The following DLG2 variants were observed in gnomAD, a reference collection of about 807,000 sequenced individuals.
The protein encoded by DLG2 is discs large MAGUK scaffold protein 2.
Under a neutral mutation model 132.5 loss-of-function variants are expected in DLG2, and 45 were observed. That is an observed-to-expected ratio of 0.34 (90% CI 0.27 to 0.44). The LOEUF (loss-of-function observed/expected upper bound fraction) is 0.44, where lower values mean the gene tolerates loss of function less well. Ranked by LOEUF, DLG2 falls within the 20% of genes least tolerant of loss-of-function variation. The pLI, the probability that DLG2 is intolerant of heterozygous loss-of-function variation, is 1.00. For synonymous variants in DLG2, 424 were observed against 419.6 expected (o/e 1.01, Z -0.13); for missense variants, 1,045 against 1,196.9 (o/e 0.87, Z 1.87).
intron 8 of DLG2, among the ~76,000 whole-genome samples, chr11:84,224,304 A>G (rs927253745): frequency 1.3e-5 from 2 of 152,202 alleles, no homozygotes; most frequent in Admixed American, 1.3e-4. Context: ...AGTCCAGTCA[A>G]TCCTAGGCTG....
intron 21 of DLG2, among the ~76,000 whole-genome samples, chr11:83,510,147 C>A (rs1214733129): frequency 6.6e-6 from 1 of 152,114 alleles, no homozygotes; most frequent in Non-Finnish European, 1.5e-5. Flanking sequence ...TGAGATGACC[C>A]TGATGGTTCT....
At chr11:85,540,689 G>A (rs1197172130) in intron 3 of DLG2, among the ~76,000 whole-genome samples, 22 of 152,214 alleles carry the variant, frequency 1.4e-4, no homozygotes, top group Admixed American at 1.4e-3. Context: ...CCTACAGACA[G>A]CAAAACAGCA....
intron 22 of DLG2, among the ~76,000 whole-genome samples, chr11:83,476,926 T>C (rs557707340): frequency 3.2e-4 from 48 of 152,234 alleles, no homozygotes; most frequent in Non-Finnish European, 6.0e-4. Context: ...TAAAGACATC[T>C]AAGGGCAATA....
At chr11:84,213,270 A>G (rs1195252247) in intron 8 of DLG2, among the ~76,000 whole-genome samples, 1 of 151,840 alleles carries the variant, frequency 6.6e-6, no homozygotes, top group Non-Finnish European at 1.5e-5. Context: ...CACTTTTCTC[A>G]TTTTCATTAG....
intron 7 of DLG2, among the ~76,000 whole-genome samples, chr11:84,488,536 A>G (rs1425464351): frequency 6.6e-6 from 1 of 152,080 alleles, no homozygotes; most frequent in Non-Finnish European, 1.5e-5. Context: ...TGAGATTTGT[A>G]TGTATTCCTA....
intron 2 of DLG2, among the ~76,000 whole-genome samples, chr11:85,625,979 A>G (rs564219327): frequency 2.6e-5 from 4 of 152,330 alleles, no homozygotes; most frequent in African/African-American, 7.2e-5. Context: ...AGGAGGGAGG[A>G]AAAAAACAGG....
chr11:84,986,695 T>C (rs1009881349), intron 6 of DLG2, among the ~76,000 whole-genome samples: 20 of 152,138 alleles, frequency 1.3e-4, no homozygotes, highest in Non-Finnish European at 2.6e-4. Context: ...GAAAAAGCAT[T>C]TGACAAAATT....
intron 9 of DLG2, among the ~76,000 whole-genome samples, chr11:84,149,617 A>T (rs1596167447): frequency 6.6e-6 from 1 of 152,132 alleles, no homozygotes; most frequent in Non-Finnish European, 1.5e-5. Flanking sequence ...TGGTTTCTGT[A>T]GCCTTGTAAT....
chr11:85,497,502 C>A (rs1363719227), intron 3 of DLG2, among the ~76,000 whole-genome samples: 1 of 152,178 alleles, frequency 6.6e-6, no homozygotes, highest in African/African-American at 2.4e-5. Context: ...AGAAAACACT[C>A]TTCAGGATAT....
chr11:85,245,424 T>C (rs1055946042), intron 4 of DLG2, among the ~76,000 whole-genome samples: 6 of 151,966 alleles, frequency 3.9e-5, no homozygotes, highest in Non-Finnish European at 7.4e-5. Flanking sequence ...TTACATGCCA[T>C]AGCCAAGGTA....
chr11:84,329,804 A>G (rs971466103), intron 7 of DLG2, among the ~76,000 whole-genome samples: 19 of 152,162 alleles, frequency 1.2e-4, no homozygotes, highest in African/African-American at 4.3e-4. Flanking sequence ...CTTCTGAAAC[A>G]CTGTTTTCTA....
intron 7 of DLG2, among the ~76,000 whole-genome samples, chr11:84,378,585 T>C (rs2098738132): frequency 6.6e-6 from 1 of 151,988 alleles, no homozygotes; most frequent in Admixed American, 6.6e-5. Context: ...AACTTGGCCC[T>C]TTTTTAAGAT....
At chr11:85,484,552 G>C (rs1029836790) in intron 3 of DLG2, among the ~76,000 whole-genome samples, 2 of 151,668 alleles carry the variant, frequency 1.3e-5, no homozygotes, top group Non-Finnish European at 2.9e-5. Flanking sequence ...GACATCAACA[G>C]ACACTTCTCA....
intron 6 of DLG2, among the ~76,000 whole-genome samples, chr11:84,578,901 G>A (rs760542734): frequency 8.5e-5 from 13 of 152,144 alleles, no homozygotes; most frequent in Non-Finnish European, 1.9e-4. Context: ...GAGGCACCCA[G>A]GGGGAGGTAA....
At chr11:83,921,079 A>G (rs2077793705) in intron 15 of DLG2, among the ~76,000 whole-genome samples, 2 of 152,162 alleles carry the variant, frequency 1.3e-5, no homozygotes, top group South Asian at 4.1e-4. Context: ...TACCTTAGAA[A>G]GGTTAGCTAA....
intron 3 of DLG2, among the ~76,000 whole-genome samples, chr11:85,331,122 T>G (rs72950197): frequency 0.11 from 17,077 of 152,266 alleles, 1,141 homozygotes; most frequent in African/African-American, 0.18. Context: ...ACTTTATTTT[T>G]TCCAAGAATA....
chr11:84,097,124 G>A (rs1295484518), intron 10 of DLG2, among the ~76,000 whole-genome samples: 2 of 152,142 alleles, frequency 1.3e-5, no homozygotes, highest in Non-Finnish European at 2.9e-5. Context: ...CTCCATGCAC[G>A]CTAAAGTCAT....
At chr11:83,810,445 T>A (rs112473769) in intron 17 of DLG2, among the ~76,000 whole-genome samples, 1 of 152,132 alleles carries the variant, frequency 6.6e-6, no homozygotes, top group Non-Finnish European at 1.5e-5. Flanking sequence ...TTAGCACATT[T>A]ATGTTCCTAA....
At chr11:83,826,971 C>T (rs558912748) in intron 17 of DLG2, among the ~76,000 whole-genome samples, 34 of 152,176 alleles carry the variant, frequency 2.2e-4, no homozygotes, top group African/African-American at 6.3e-4. Context: ...TATTTCAGAG[C>T]GTGCTTGTTT....
Sources: gnomAD v4.1 joint callset for allele counts (sites outside exome capture counted in the v4.1 genomes callset) on GRCh38, gnomAD v4.1.1 for gene constraint, MANE v1.5 for transcripts, NCBI Gene and HGNC (gene_info 2026-07-23, HGNC 2026-07-21) for gene names.